The following PCDH9 variants were observed in gnomAD, a reference collection of about 807,000 sequenced individuals.
PCDH9 encodes protocadherin-9.
In PCDH9, 24 loss-of-function variants were observed where a neutral mutation model predicts 70.6. The observed-to-expected ratio is 0.34, with a 90% CI of 0.25 to 0.48. The LOEUF (loss-of-function observed/expected upper bound fraction) is 0.48. Among genes scored for constraint, PCDH9 ranks in the 20% least tolerant of loss-of-function variants. The probability of loss-of-function intolerance (pLI) is 0.99; values close to 1 mark genes in which losing one functional copy is unlikely to be tolerated. For synonymous variants in PCDH9, 562 were observed against 558.5 expected, an observed-to-expected ratio of 1.01 and a Z score of -0.09; for missense variants, 1,281 against 1,503.6, an observed-to-expected ratio of 0.85 and a Z score of 2.45.
intron 2 of PCDH9, among the ~76,000 whole-genome samples, chr13:67,015,268 C>G (rs1053392669): frequency 6.6e-6 from 1 of 152,088 alleles, no homozygotes; most frequent in Admixed American, 6.6e-5. Context: ...TTCTGTGACT[C>G]TGTAAGCAGG....
intron 2 of PCDH9, among the ~76,000 whole-genome samples, chr13:67,067,349 C>T (rs953753264): frequency 1.3e-4 from 20 of 151,926 alleles, no homozygotes; most frequent in Admixed American, 1.2e-3. Flanking sequence ...ATATTTTACC[C>T]CATGTATCAA....
chr13:66,518,717 T>G (rs1040583481), intron 4 of PCDH9, among the ~76,000 whole-genome samples: 11 of 152,206 alleles, frequency 7.2e-5, no homozygotes, highest in Non-Finnish European at 1.3e-4. Context: ...TAAATACATG[T>G]GGGGTGGTGG....
chr13:66,930,043 T>C (rs997382726), intron 2 of PCDH9, among the ~76,000 whole-genome samples: 1 of 152,182 alleles, frequency 6.6e-6, no homozygotes, highest in Admixed American at 6.6e-5. Flanking sequence ...GAAACCAGTA[T>C]TCATCTCATA....
chr13:67,075,513 C>T (rs1203380034), intron 2 of PCDH9, among the ~76,000 whole-genome samples: 1 of 152,074 alleles, frequency 6.6e-6, no homozygotes, highest in East Asian at 1.9e-4. Context: ...ATTCATTCTT[C>T]CTGGAGGGAC....
intron 3 of PCDH9, among the ~76,000 whole-genome samples, chr13:66,684,768 T>C (rs1287347744): frequency 6.6e-6 from 1 of 152,034 alleles, no homozygotes; most frequent in African/African-American, 2.4e-5. Context: ...TGGTACAGGA[T>C]AGTGAGGTGC....
chr13:67,165,265 C>T (rs907977427), intron 2 of PCDH9, among the ~76,000 whole-genome samples: 8 of 152,046 alleles, frequency 5.3e-5, no homozygotes, highest in Non-Finnish European at 8.8e-5. Flanking sequence ...ATTAAAAATA[C>T]ATGATTACTT....
At chr13:67,152,672 A>G (rs1386838589) in intron 2 of PCDH9, among the ~76,000 whole-genome samples, 1 of 152,188 alleles carries the variant, frequency 6.6e-6, no homozygotes, top group Admixed American at 6.5e-5. Flanking sequence ...TTCTTTAAAC[A>G]AAATAGCCCC....
At chr13:66,846,359 A>G (rs1350134997) in intron 3 of PCDH9, among the ~76,000 whole-genome samples, 1 of 152,208 alleles carries the variant, frequency 6.6e-6, no homozygotes, top group Non-Finnish European at 1.5e-5. Flanking sequence ...TTTTGTTAAT[A>G]AGCAGATTTC....
intron 4 of PCDH9, among the ~76,000 whole-genome samples, chr13:66,534,476 C>T (rs894545734): frequency 3.3e-5 from 5 of 152,022 alleles, no homozygotes; most frequent in Non-Finnish European, 7.4e-5. Context: ...GAGGGCAAGA[C>T]AGCTCTCAGG....
intron 2 of PCDH9, among the ~76,000 whole-genome samples, chr13:67,086,461 G>T (rs900807861): frequency 6.6e-6 from 1 of 152,134 alleles, no homozygotes; most frequent in African/African-American, 2.4e-5. Context: ...ACATAGTTCG[G>T]CTGCCTCTGT....
At position 66,304,958 on chromosome 13, in the gene PCDH9, A is replaced by G. The variant is rs1484790436; in HGVS notation, c.3411T>C (p.Gly1137=). The change falls in exon 5 of 5, where the codon GGT becomes GGC. Residue 1137 remains glycine, a synonymous_variant. Coordinates refer to ENST00000377865, the MANE Select transcript of PCDH9 (RefSeq NM_203487.3). The stretch of plus-strand genomic sequence containing the variant: ...GAGGCATCCAGCAATTATCAGAGTG[A>G]CCCAAAACCAAGCACTCTTGAGTGC... ...EMCTQECLVL[G]HSDNCWMPPG... The G allele has an allele frequency of 6.2e-7, 1 of 1,613,434 alleles. No individual in the cohort carries two copies. Among genetic ancestry groups the G allele is most frequent in the South Asian group, 1.1e-5 (1 of 91,064 alleles).
chr13:66,351,504 A>C (rs1956290777), intron 4 of PCDH9, among the ~76,000 whole-genome samples: 2 of 152,198 alleles, frequency 1.3e-5, no homozygotes, highest in South Asian at 4.1e-4. Context: ...TATTTTATTT[A>C]ACCAGATCAG....
chr13:66,851,575 TCACACACA>T (rs59674873), intron 3 of PCDH9, among the ~76,000 whole-genome samples: 42 of 146,836 alleles, frequency 2.9e-4, no homozygotes, highest in African/African-American at 8.5e-4. Context: ...CGCATCACCC[TCACACACA>T]CACACACACA....
intron 4 of PCDH9, among the ~76,000 whole-genome samples, chr13:66,560,760 G>T (rs1349107875): frequency 6.6e-6 from 1 of 152,172 alleles, no homozygotes; most frequent in Non-Finnish European, 1.5e-5. Flanking sequence ...ATACCTCTTT[G>T]ATTTCAGGCC....
chr13:66,921,545 G>T (rs1381993110), intron 2 of PCDH9, among the ~76,000 whole-genome samples: 1 of 151,172 alleles, frequency 6.6e-6, no homozygotes, highest in Non-Finnish European at 1.5e-5. Context: ...AATTTCAGCG[G>T]AAGTCCTAAC....
intron 4 of PCDH9, among the ~76,000 whole-genome samples, chr13:66,498,148 A>T (rs1350677166): frequency 1.6e-4 from 22 of 140,012 alleles, no homozygotes; most frequent in South Asian, 2.2e-4. Context: ...ATTTATTATT[A>T]TTATTTTTTT....
chr13:67,214,341 G>A (rs894940611), intron 2 of PCDH9: 1 of 152,164 alleles, frequency 6.6e-6, no homozygotes, highest in Non-Finnish European at 1.5e-5. Flanking sequence ...TACTTCAACA[G>A]GGATGCTTTC....
chr13:67,150,513 C>A (rs992941906), intron 2 of PCDH9, among the ~76,000 whole-genome samples: 1 of 152,136 alleles, frequency 6.6e-6, no homozygotes, highest in Admixed American at 6.5e-5. Flanking sequence ...GAAATATAAT[C>A]ATTAGTTTTC....
chr13:66,923,021 ATTT>A (rs763056278), intron 2 of PCDH9, among the ~76,000 whole-genome samples: 13 of 151,422 alleles, frequency 8.6e-5, no homozygotes, highest in Non-Finnish European at 1.8e-4. Context: ...GGATGAGAAT[ATTT>A]ATACGTAAGT....
Sources: gnomAD v4.1 joint callset for allele counts (sites outside exome capture counted in the v4.1 genomes callset) on GRCh38, gnomAD v4.1.1 for gene constraint, MANE v1.5 for transcripts, NCBI Gene and HGNC (gene_info 2026-07-23, HGNC 2026-07-21) for gene names.